Variants in HACD2 observed in about 807,000 individuals in gnomAD.
HACD2 encodes 3-hydroxyacyl-CoA dehydratase 2, also known as very-long-chain (3R)-3-hydroxyacyl-CoA dehydratase 2.
HACD2 carries 15 observed loss-of-function variants against 31.0 expected under a neutral mutation model. The ratio of observed to expected loss-of-function variants is 0.48; its 90% CI spans 0.32 to 0.75. The LOEUF is 0.75. Among genes scored for constraint, HACD2 ranks in the 30% least tolerant of loss-of-function variants. The pLI, the probability that HACD2 is intolerant of heterozygous loss-of-function variation, is 0.03. For synonymous variants in HACD2, 115 were observed against 122.2 expected, an observed-to-expected ratio of 0.94 and a Z score of 0.39; for missense variants, 283 against 313.0, an observed-to-expected ratio of 0.90 and a Z score of 0.72.
At chr3:123,498,736 C>T (rs762425853) in intron 6 of HACD2, among the ~76,000 whole-genome samples, 3 of 152,170 alleles carry the variant, frequency 2.0e-5, no homozygotes, top group Non-Finnish European at 2.9e-5. Flanking sequence ...TAAAAGACAG[C>T]TGGCTCTGGG....
Position 123,525,324 on chromosome 3 carries a change from G to C in HACD2, c.381+3062C>G, listed in dbSNP as rs554441645. On this transcript the variant is annotated intron_variant, in intron 4 of 6. Coordinates refer to ENST00000383657, the MANE Select transcript of HACD2 (RefSeq NM_198402.5). ...TTTTCTTTTCTTGCCTCTGTGTATTGATTCAAATTTTTTCATTAATATCCT... is the reference window on the plus strand; with the variant it reads ...TTTTCTTTTCTTGCCTCTGTGTATTCATTCAAATTTTTTCATTAATATCCT... 3.3e-5 allele frequency among the ~76,000 whole-genome samples: 5 copies of C among 152,284 alleles called. No individual in the cohort carries two copies. In the East Asian group the frequency reaches 7.7e-4, roughly 23 times the overall value.
At chr3:123,508,536 C>A (rs1213849016) in intron 4 of HACD2, among the ~76,000 whole-genome samples, 1 of 152,138 alleles carries the variant, frequency 6.6e-6, no homozygotes, top group Non-Finnish European at 1.5e-5. Flanking sequence ...CAGATGGTGC[C>A]ACATAAGAAA....
intron 5 of HACD2, among the ~76,000 whole-genome samples, chr3:123,501,081 G>A (rs1033994309): frequency 4.6e-5 from 7 of 152,086 alleles, no homozygotes; most frequent in Admixed American, 1.3e-4. Context: ...TGGTAGTGGC[G>A]GAGGTGTTGG....
intron 4 of HACD2, among the ~76,000 whole-genome samples, chr3:123,503,089 C>A (rs1299941400): frequency 1.3e-5 from 2 of 152,078 alleles, no homozygotes; most frequent in Non-Finnish European, 2.9e-5. Context: ...CATGGTAACA[C>A]CCTGTTTCCA....
In HACD2 at chr3:123,534,029, A is replaced by AGTGTGTGTGT. The variant is rs62840760; in HGVS notation, c.293-5565_293-5556dup. 7.6e-3 allele frequency among the ~76,000 whole-genome samples: 1,138 copies of AGTGTGTGTGT among 149,944 alleles called. 14 individuals are homozygous for AGTGTGTGTGT. Among genetic ancestry groups the AGTGTGTGTGT allele is most frequent in the African/African-American group, 0.023 (943 of 41,018 alleles). ...CTGGCAGATAAAAGAAACATAGTGG[A>AGTGTGTGTGT]GTGTGTGTGTGTGTGTGTGTGTGAA... On this transcript the variant is annotated intron_variant, in intron 3 of 6. Transcript: ENST00000383657.
At chr3:123,519,297 G>C (rs943526588) in intron 4 of HACD2, among the ~76,000 whole-genome samples, 1 of 152,088 alleles carries the variant, frequency 6.6e-6, no homozygotes, top group African/African-American at 2.4e-5. Flanking sequence ...AGTACACCAG[G>C]GTTTTACTCC....
chr3:123,530,862 T>C (rs984749437), intron 3 of HACD2, among the ~76,000 whole-genome samples: 1 of 151,814 alleles, frequency 6.6e-6, no homozygotes, highest in Admixed American at 6.6e-5. Context: ...AAAGTAACTT[T>C]TTGTTGTTGT....
intron 3 of HACD2, among the ~76,000 whole-genome samples, chr3:123,557,618 G>A (rs1025498802): frequency 3.9e-5 from 6 of 152,142 alleles, no homozygotes; most frequent in Non-Finnish European, 5.9e-5. Flanking sequence ...CAGCCTGGAT[G>A]ACAGAGTGAG....
intron 4 of HACD2, among the ~76,000 whole-genome samples, chr3:123,517,563 G>GT (rs2056153638): frequency 1.3e-5 from 2 of 152,142 alleles, no homozygotes; most frequent in Non-Finnish European, 2.9e-5. Context: ...TCAGCAATTG[G>GT]TGACTGTGGC....
chr3:123,564,862 A>G (rs1446924886), intron 3 of HACD2, among the ~76,000 whole-genome samples: 1 of 152,200 alleles, frequency 6.6e-6, no homozygotes, highest in African/African-American at 2.4e-5. Flanking sequence ...CCTTGAGGAT[A>G]TAAGAAGGAT....
chr3:123,579,018 T>C (rs1203360658), intron 2 of HACD2, among the ~76,000 whole-genome samples: 1 of 152,256 alleles, frequency 6.6e-6, no homozygotes. Context: ...ATTGCCTGCA[T>C]GTTCCTGGGA....
intron 1 of HACD2, 70 bp from the exon 2 acceptor site, chr3:123,582,399 G>A: frequency 3.0e-6 from 3 of 1,010,038 alleles, no homozygotes; most frequent in East Asian, 5.5e-5. Flanking sequence ...TTAACACACA[G>A]CTGTGGCAAT....
chr3:123,567,866 A>T lies in HACD2; in HGVS notation c.274-86T>A, dbSNP rs1012188692. On this transcript the variant is annotated intron_variant, in intron 2 of 6. Transcript: ENST00000383657. ...TTTCATATAAACTAATGTTTCAGTA[A>T]GAATAGAGCAGCGTCTGCCAGCAGT... 4.9e-6 allele frequency: 4 copies of T among 817,526 alleles called. No homozygotes were observed. The African/African-American group carries it at 5.3e-5, about 11-fold the overall frequency. 50.6% of individuals were successfully genotyped at this position (817,526 alleles called of 1,614,324 possible). A position where few individuals can be genotyped will look rare whatever the true frequency, so the allele number is the denominator to read the frequency against.
At chr3:123,559,729 CAAAG>C (rs889190791) in intron 3 of HACD2, among the ~76,000 whole-genome samples, 9 of 152,136 alleles carry the variant, frequency 5.9e-5, no homozygotes, top group Non-Finnish European at 1.0e-4. Flanking sequence ...GTTTCCATTC[CAAAG>C]AAAGACTTAG....
At chr3:123,577,632 A>T (rs1367889923) in intron 2 of HACD2, among the ~76,000 whole-genome samples, 2 of 151,938 alleles carry the variant, frequency 1.3e-5, no homozygotes, top group Non-Finnish European at 2.9e-5. Context: ...AAAAAAAAAA[A>T]AAAAAAGAAA....
At position 123,505,516 on chromosome 3, in the gene HACD2, G is replaced by A. The variant is rs141033612; in HGVS notation, c.382-2835C>T. Among the ~76,000 whole-genome samples the A allele has an allele frequency of 3.1e-3, 471 of 152,266 alleles. 2 individuals are homozygous for A. Among genetic ancestry groups the A allele is most frequent in the African/African-American group, 0.011 (445 of 41,536 alleles). On this transcript the variant is annotated intron_variant, in intron 4 of 6. Transcript: ENST00000383657. ...TTACATGACTTAGCAACAACAAAATGACTCCAGATCAGAATGGAGAAGACC... is the reference window on the plus strand; with the variant it reads ...TTACATGACTTAGCAACAACAAAATAACTCCAGATCAGAATGGAGAAGACC...
At chr3:123,507,056 C>T (rs1045669994) in intron 4 of HACD2, among the ~76,000 whole-genome samples, 7 of 152,030 alleles carry the variant, frequency 4.6e-5, no homozygotes, top group Admixed American at 6.5e-5. Flanking sequence ...CCAGGAGCTG[C>T]GATCAGCCTG....
intron 2 of HACD2, among the ~76,000 whole-genome samples, chr3:123,575,734 C>T (rs996336506): frequency 1.3e-5 from 2 of 152,192 alleles, no homozygotes; most frequent in Non-Finnish European, 1.5e-5. Flanking sequence ...ATATTTCCTA[C>T]TACACGGGGA....
At chr3:123,537,584 T>C (rs3109652) in intron 3 of HACD2, among the ~76,000 whole-genome samples, 119,081 of 139,332 alleles carry the variant, frequency 0.85, 49,810 homozygotes, top group Non-Finnish European at 0.92. Context: ...CAAATACACA[T>C]ACACACACAC....
Sources: gnomAD v4.1 joint callset for allele counts (sites outside exome capture counted in the v4.1 genomes callset) on GRCh38, gnomAD v4.1.1 for gene constraint, MANE v1.5 for transcripts, NCBI Gene and HGNC (gene_info 2026-07-23, HGNC 2026-07-21) for gene names.